CSMD1: variants seen among roughly 807,000 people sequenced by gnomAD.
CSMD1 encodes CUB and sushi domain-containing protein 1.
A neutral mutation model predicts 417.5 loss-of-function variants in CSMD1; 213 were observed. The ratio of observed to expected loss-of-function variants is 0.51; its 90% CI spans 0.46 to 0.57. The LOEUF is 0.57. Among genes scored for constraint, CSMD1 ranks in the 20% least tolerant of loss-of-function variants. The pLI is 0.00. For missense variants in CSMD1, 6,923 were observed against 4,529.7 expected (o/e 1.53, Z -15.17); for synonymous variants, 2,862 against 1,736.8 (o/e 1.65, Z -16.11).
chr8:4,837,754 T>C (rs1800585638), intron 1 of CSMD1, among the ~76,000 whole-genome samples: 1 of 152,086 alleles, frequency 6.6e-6, no homozygotes, highest in South Asian at 2.1e-4. Flanking sequence ...ACAAAGAGTA[T>C]AACTACATTG....
chr8:3,523,467 T>A (rs1207697443), intron 10 of CSMD1, among the ~76,000 whole-genome samples: 1 of 151,898 alleles, frequency 6.6e-6, no homozygotes, highest in Non-Finnish European at 1.5e-5. Flanking sequence ...GTGCCTAAAG[T>A]CCAATTCGCC....
chr8:4,869,327 G>C (rs1271766365), intron 1 of CSMD1, among the ~76,000 whole-genome samples: 1 of 152,012 alleles, frequency 6.6e-6, no homozygotes, highest in African/African-American at 2.4e-5. Flanking sequence ...AGTTGTGTCT[G>C]TAGGGAAACT....
At chr8:3,696,176 A>G (rs1426961609) in intron 7 of CSMD1, among the ~76,000 whole-genome samples, 2 of 152,204 alleles carry the variant, frequency 1.3e-5, no homozygotes, top group African/African-American at 2.4e-5. Flanking sequence ...CGGATGTCAC[A>G]TGGTTGATGT....
intron 7 of CSMD1, among the ~76,000 whole-genome samples, chr8:3,650,004 C>A (rs1265110282): frequency 1.3e-5 from 2 of 152,154 alleles, no homozygotes; most frequent in East Asian, 3.9e-4. Context: ...TGAGGCTGGG[C>A]CTGGTGGCTC....
chr8:3,869,988 A>G (rs76820645), intron 5 of CSMD1, among the ~76,000 whole-genome samples: 3,502 of 152,004 alleles, frequency 0.023, 141 homozygotes, highest in African/African-American at 0.081. Flanking sequence ...ATAATAATAC[A>G]TAACTAGAGG....
chr8:3,915,405 C>CAGAAAAAA (rs1554484704), intron 5 of CSMD1, among the ~76,000 whole-genome samples: 59 of 76,282 alleles, frequency 7.7e-4, no homozygotes, highest in African/African-American at 2.3e-3. Context: ...GACTCTGTCT[C>CAGAAAAAA]AAAAAAAAAA....
chr8:4,064,052 T>C (rs937686787), intron 3 of CSMD1, among the ~76,000 whole-genome samples: 1 of 152,174 alleles, frequency 6.6e-6, no homozygotes, highest in Non-Finnish European at 1.5e-5. Flanking sequence ...GAGTGAGGGC[T>C]CCTGAGAAGT....
At chr8:3,040,516 C>G (rs1811017521) in intron 50 of CSMD1, among the ~76,000 whole-genome samples, 2 of 150,276 alleles carry the variant, frequency 1.3e-5, no homozygotes, top group South Asian at 2.1e-4. Flanking sequence ...AAAATGATAA[C>G]AAATTGGGCC....
At chr8:3,453,997 T>A (rs544348191) in intron 12 of CSMD1, among the ~76,000 whole-genome samples, 1 of 152,202 alleles carries the variant, frequency 6.6e-6, no homozygotes, top group Non-Finnish European at 1.5e-5. Context: ...TGGGTGCTCC[T>A]GTATTGGGTG....
At chr8:4,664,632 C>A (rs1457410038) in intron 1 of CSMD1, among the ~76,000 whole-genome samples, 1 of 152,068 alleles carries the variant, frequency 6.6e-6, no homozygotes, top group Non-Finnish European at 1.5e-5. Context: ...TTCAAGAGTT[C>A]TCAGATTGTC....
intron 3 of CSMD1, among the ~76,000 whole-genome samples, chr8:4,132,496 A>C (rs1803172275): frequency 1.3e-5 from 2 of 152,290 alleles, no homozygotes; most frequent in Admixed American, 1.3e-4. Context: ...AGTATAATAC[A>C]TTTTATTAGG....
In CSMD1 at chr8:3,368,642, A is replaced by T. The variant is rs113710320; in HGVS notation, c.2899+612T>A. Reference sequence around the variant, plus strand: ...GCGTGAGTCACTTCACCTGGCCCCAAATAGACTCTTAAAGATGACACGTTT... The same window carrying T: ...GCGTGAGTCACTTCACCTGGCCCCATATAGACTCTTAAAGATGACACGTTT... On this transcript the variant is annotated intron_variant, in intron 19 of 69. Transcript: ENST00000635120. 5.9e-3 allele frequency among the ~76,000 whole-genome samples: 902 copies of T among 152,234 alleles called. 1 individual carries two copies. Among genetic ancestry groups the T allele is most frequent in the Non-Finnish European group, 9.3e-3 (631 of 67,994 alleles).
At chr8:3,798,427 G>C (rs771667330) in intron 5 of CSMD1, among the ~76,000 whole-genome samples, 3 of 151,958 alleles carry the variant, frequency 2.0e-5, no homozygotes, top group African/African-American at 4.8e-5. Context: ...TAAGAGTGCA[G>C]TTTCACTGAT....
chr8:3,782,910 A>G (rs138084764), intron 5 of CSMD1, among the ~76,000 whole-genome samples: 22 of 152,358 alleles, frequency 1.4e-4, no homozygotes, highest in African/African-American at 4.8e-4. Flanking sequence ...ATAAATAAAT[A>G]AAACTGTGGT....
intron 26 of CSMD1, among the ~76,000 whole-genome samples, chr8:3,243,788 G>T (rs1799702345): frequency 1.3e-5 from 2 of 150,158 alleles, no homozygotes; most frequent in Non-Finnish European, 3.0e-5. Context: ...ATATAATATT[G>T]TCATTTATAT....
intron 25 of CSMD1, among the ~76,000 whole-genome samples, chr8:3,306,234 TAAGGACAAA>T (rs1039338642): frequency 6.6e-6 from 1 of 152,342 alleles, no homozygotes. Context: ...CTTTTCTGAA[TAAGGACAAA>T]AATCATTTGT....
intron 3 of CSMD1, among the ~76,000 whole-genome samples, chr8:4,050,516 C>G (rs529645493): frequency 6.6e-6 from 1 of 151,936 alleles, no homozygotes; most frequent in African/African-American, 2.4e-5. Flanking sequence ...TATGTATCAT[C>G]CTGGAGGGGT....
At chr8:4,765,930 C>A (rs1483755166) in intron 1 of CSMD1, among the ~76,000 whole-genome samples, 2 of 152,044 alleles carry the variant, frequency 1.3e-5, no homozygotes, top group African/African-American at 4.8e-5. Context: ...TTTGAAGAAT[C>A]GAGCTTAGCT....
rs1226859096 is a variant in CSMD1 at position 3,641,032 on chromosome 8, T to C, written c.1010-24235A>G. On this transcript the variant is annotated intron_variant, in intron 7 of 69. Transcript: ENST00000635120. Reference sequence around the variant, plus strand: ...TTTGTGTTCCTTTTTTCCTTTTTTTTTTTTTTTTTTTTTTTGTGAATAATG... The same window carrying C: ...TTTGTGTTCCTTTTTTCCTTTTTTTCTTTTTTTTTTTTTTTGTGAATAATG... 4.1e-5 allele frequency among the ~76,000 whole-genome samples: 6 copies of C among 144,720 alleles called. No homozygotes were observed. In the East Asian group the frequency reaches 1.2e-3, roughly 29 times the overall value. The allele number at this position is 144,720 out of a possible 152,430, so 94.9% of individuals were successfully genotyped here. A position where few individuals can be genotyped will look rare whatever the true frequency, so the allele number is the denominator to read the frequency against.
Sources: gnomAD v4.1 joint callset for allele counts (sites outside exome capture counted in the v4.1 genomes callset) on GRCh38, gnomAD v4.1.1 for gene constraint, MANE v1.5 for transcripts, NCBI Gene and HGNC (gene_info 2026-07-23, HGNC 2026-07-21) for gene names.